ANKRD36B: variants seen among roughly 807,000 people sequenced by gnomAD.
The protein encoded by ANKRD36B is ankyrin repeat domain 36B, also known as ankyrin repeat domain-containing protein 36B.
ANKRD36B carries 37 observed loss-of-function variants against 135.7 expected under a neutral mutation model. The observed-to-expected ratio is 0.27, with a 90% confidence interval of 0.21 to 0.36. The LOEUF (loss-of-function observed/expected upper bound fraction) is 0.36, where lower values mean the gene tolerates loss of function less well. Ranked by LOEUF, ANKRD36B falls within the 10% of genes least tolerant of loss-of-function variation. ANKRD36B has a pLI of 1.00. For synonymous variants in ANKRD36B, 179 were observed against 348.1 expected (o/e 0.51, Z 5.41); for missense variants, 549 against 1,037.1 (o/e 0.53, Z 6.46).
chr2:97,575,268 C>T (rs1270664920), intron 6 of ANKRD36B, among the ~76,000 whole-genome samples: 18 of 151,844 alleles, frequency 1.2e-4, no homozygotes, highest in Non-Finnish European at 2.1e-4. Flanking sequence ...TCTCATTCTA[C>T]ATCTGCATCA....
intron 6 of ANKRD36B, among the ~76,000 whole-genome samples, chr2:97,564,747 C>G (rs1260748567): frequency 6.6e-6 from 1 of 152,116 alleles, no homozygotes; most frequent in South Asian, 2.1e-4. Context: ...TCTTTTGGTA[C>G]CAGTACCATG....
rs746887999 is a variant in ANKRD36B at position 97,523,363 on chromosome 2, G to A, written c.2370C>T (p.Val790=). Residue 790 remains valine (V), a synonymous_variant, in exon 36 of 44, where the codon GTC becomes GTT. Coordinates refer to ENST00000359901, the MANE Select transcript of ANKRD36B (RefSeq NM_001393939.1). ...TTTCATGTTGATCAATGAGTAATAT[G>A]ACATTCTTACAATTACAGCAAAGCG... ...GDSLCCNCKN[V]ILLIDQHEMK... is the part of the protein sequence containing the mutation. The A allele has an allele frequency of 5.9e-6, 3 of 509,164 alleles. 1 individual carries two copies. The highest frequency in any genetic ancestry group is 4.6e-5 in the South Asian group (3 of 65,332). The allele number at this position is 509,164 out of a possible 1,614,324, so 31.5% of individuals were successfully genotyped here.
chr2:97,558,692 G>C lies in ANKRD36B; in HGVS notation c.967+107C>G. On this transcript the variant is annotated intron_variant, in intron 10 of 43. Transcript: ENST00000359901. ...AGAACTGAGGAATCTCAGGCCTGCT[G>C]AATCAGAATGTGCAGCTTCAATGAA... 4.2e-6 allele frequency: 6 copies of C among 1,432,844 alleles called. No homozygotes were observed. The South Asian group carries it at 7.0e-5, about 17-fold the overall frequency. 88.8% of individuals were successfully genotyped at this position (1,432,844 alleles called of 1,614,324 possible).
chr2:97,589,725 C>G lies in ANKRD36B; in HGVS notation c.-40G>C, dbSNP rs1868445. The G allele has an allele frequency of 0.61, 985,332 of 1,612,584 alleles. 317,215 individuals are homozygous for G. The highest frequency in any genetic ancestry group is 0.67 in the Non-Finnish European group (794,361 of 1,179,616). On this transcript the variant is annotated 5_prime_UTR_variant, in exon 1 of 44. Coordinates refer to ENST00000359901, the MANE Select transcript of ANKRD36B (RefSeq NM_001393939.1). ...TCTCCCGCTCGTCGTCTTCCTTAAT[C>G]GTCGGCTGCAAATTGTAGCCTGCAG... is the stretch of plus-strand genomic sequence containing the variant.
At chr2:97,546,960 C>A (rs1270013277) in intron 22 of ANKRD36B, among the ~76,000 whole-genome samples, 1 of 151,572 alleles carries the variant, frequency 6.6e-6, no homozygotes, top group Non-Finnish European at 1.5e-5. Context: ...CAGCCAAAAT[C>A]AAATAACTTT....
chr2:97,574,250 AAAG>A (rs1327405523), intron 6 of ANKRD36B, among the ~76,000 whole-genome samples: 1 of 152,192 alleles, frequency 6.6e-6, no homozygotes, highest in African/African-American at 2.4e-5. Flanking sequence ...ACACTTCTCA[AAAG>A]AAGACATTTA....
In ANKRD36B at chr2:97,555,350, C is replaced by T; in HGVS notation, c.1070-96G>A. 6.5e-6 allele frequency: 10 copies of T among 1,542,010 alleles called. No individual in the cohort carries two copies. In the South Asian group the frequency reaches 9.2e-5, roughly 14 times the overall value. On this transcript the variant is annotated intron_variant, in intron 12 of 43. Coordinates refer to ENST00000359901, the MANE Select transcript of ANKRD36B (RefSeq NM_001393939.1). ...GTTAGCATCAAGCTGTATCTTCCTG[C>T]CTGTATTAGTATAGGCTTTGATTTT... is the stretch of plus-strand genomic sequence containing the variant.
rs145521929 is a variant in ANKRD36B at position 97,565,887 on chromosome 2, G to A, written c.764-5027C>T. Among the ~76,000 whole-genome samples, 694 of 149,780 alleles carry A rather than the reference G, an allele frequency of 4.6e-3. 1 individual carries two copies. Among genetic ancestry groups the A allele is most frequent in the African/African-American group, 0.012 (505 of 40,912 alleles). On this transcript the variant is annotated intron_variant, in intron 6 of 43. Transcript: ENST00000359901. ...GGGGTGTGTGTGTGTGTGTGTGTGTGTGTATATATATATATGTACAGTGGC... is the reference window on the plus strand; with the variant it reads ...GGGGTGTGTGTGTGTGTGTGTGTGTATGTATATATATATATGTACAGTGGC...
chr2:97,566,295 T>A (rs983535419), intron 6 of ANKRD36B, among the ~76,000 whole-genome samples: 4 of 152,060 alleles, frequency 2.6e-5, no homozygotes, highest in African/African-American at 7.2e-5. Context: ...CACTCCAGCC[T>A]GGGTGACAAA....
At chr2:97,543,133 T>C (rs1381653160) in intron 26 of ANKRD36B, among the ~76,000 whole-genome samples, 2 of 152,064 alleles carry the variant, frequency 1.3e-5, no homozygotes, top group Non-Finnish European at 2.9e-5. Context: ...CAAAGAAGAG[T>C]AATTAGTAAA....
rs958206154 is a variant in ANKRD36B, at chr2:97,586,764, TA to T, written c.162-1367del. ...TTCCTTATATGTAATAAAACTATAATAAAAACTTATGTATATACTAAAATCT... is the reference window on the plus strand; with the variant it reads ...TTCCTTATATGTAATAAAACTATAATAAAACTTATGTATATACTAAAATCT... On this transcript the variant is annotated intron_variant, in intron 1 of 43. Coordinates refer to ENST00000359901, the MANE Select transcript of ANKRD36B (RefSeq NM_001393939.1). Among the ~76,000 whole-genome samples, 56 of 152,306 alleles carry T rather than the reference TA, an allele frequency of 3.7e-4. 1 individual carries two copies. The highest frequency in any genetic ancestry group is 1.3e-3 in the African/African-American group (56 of 41,556).
rs369300848 is a variant in ANKRD36B, at chr2:97,526,092, G to C, written c.2266-2625C>G. Reference sequence around the variant, plus strand: ...GCAGCTGGAGATCTGAGAATGGGCAGACTGCCTCCTCAAGTGGGTCCCTGA... The same window carrying C: ...GCAGCTGGAGATCTGAGAATGGGCACACTGCCTCCTCAAGTGGGTCCCTGA... On this transcript the variant is annotated intron_variant, in intron 35 of 43. Transcript: ENST00000359901. Among the ~76,000 whole-genome samples, 4 of 97,730 alleles carry C rather than the reference G, an allele frequency of 4.1e-5. No homozygotes were observed. The South Asian group carries it at 7.0e-4, about 17-fold the overall frequency. The allele number at this position is 97,730 out of a possible 152,430, so 64.1% of individuals were successfully genotyped here. A position where few individuals can be genotyped will look rare whatever the true frequency, so the allele number is the denominator to read the frequency against.
At chr2:97,580,687 G>C (rs1482326438) in intron 3 of ANKRD36B, 119 bp from the exon 4 acceptor site, 1 of 906,162 alleles carries the variant, frequency 1.1e-6, no homozygotes, top group Non-Finnish European at 1.6e-6. Context: ...GTAAGAGGTA[G>C]TCCCTTTCTT....
In ANKRD36B at chr2:97,565,702, A is replaced by T. The variant is rs538104671; in HGVS notation, c.764-4842T>A. ...GCAATCGTTAAAAGGTCAGGAAACA[A>T]CAGATGCTGGAGCAGATGTGGAGAA... On this transcript the variant is annotated intron_variant, in intron 6 of 43. Transcript: ENST00000359901. Among the ~76,000 whole-genome samples the T allele has an allele frequency of 3.3e-5, 5 of 152,278 alleles. No individual in the cohort carries two copies. The East Asian group carries it at 9.7e-4, about 29-fold the overall frequency.
chr2:97,535,399 A>G (rs535622050), intron 34 of ANKRD36B, among the ~76,000 whole-genome samples: 17 of 105,944 alleles, frequency 1.6e-4, no homozygotes, highest in African/African-American at 4.2e-4. Flanking sequence ...ATTATTACAC[A>G]TTGTATGCCT....
At chr2:97,535,660 C>T (rs1336886506) in intron 34 of ANKRD36B, among the ~76,000 whole-genome samples, 7 of 99,252 alleles carry the variant, frequency 7.1e-5, no homozygotes, top group African/African-American at 2.0e-4. Context: ...TAAAGCAAAA[C>T]AAATATTTTA....
intron 24 of ANKRD36B, among the ~76,000 whole-genome samples, chr2:97,544,426 A>G (rs1283143981): frequency 4.2e-5 from 4 of 94,926 alleles, no homozygotes; most frequent in African/African-American, 9.4e-5. Context: ...AACTTGCCCA[A>G]TAACTGAGAA....
intron 16 of ANKRD36B, among the ~76,000 whole-genome samples, chr2:97,552,476 T>A (rs531831339): frequency 6.6e-5 from 10 of 151,930 alleles, no homozygotes; most frequent in Non-Finnish European, 1.2e-4. Context: ...AAAACATGTA[T>A]CTCTGATGCC....
chr2:97,589,672 C>T lies in ANKRD36B; in HGVS notation c.14G>A (p.Cys5Tyr). The T allele has an allele frequency of 6.2e-7, 1 of 1,614,210 alleles. No homozygotes were observed. Among genetic ancestry groups the T allele is most frequent in the Non-Finnish European group, 8.5e-7 (1 of 1,180,034 alleles). The change falls in exon 1 of 44, where the codon TGC becomes TAC. Residue 5 changes from cysteine to tyrosine, a missense_variant. Coordinates refer to ENST00000359901, the MANE Select transcript of ANKRD36B (RefSeq NM_001393939.1). ...ATGGGGAAATGCGAAGCCATCCGAG[C>T]ACAAGCGCTCCATGAGGGTGGGCCA... MERL[C>Y]SDGFAFPHYY...
Sources: gnomAD v4.1 joint callset for allele counts (sites outside exome capture counted in the v4.1 genomes callset) on GRCh38, gnomAD v4.1.1 for gene constraint, MANE v1.5 for transcripts, NCBI Gene and HGNC (gene_info 2026-07-23, HGNC 2026-07-21) for gene names.